Variants in IRAK2 observed in about 807,000 individuals in gnomAD.
IRAK2 encodes interleukin 1 receptor associated kinase 2, also known as interleukin-1 receptor-associated kinase-like 2.
A neutral mutation model predicts 72.0 loss-of-function variants in IRAK2; 57 were observed. That is an observed-to-expected ratio of 0.79 (90% CI 0.64 to 0.99). The LOEUF is 0.99. IRAK2 is among the 50% of genes least tolerant of loss of function. The pLI is 0.00. For missense variants in IRAK2, 790 were observed against 794.4 expected (o/e 0.99, Z 0.07); for synonymous variants, 293 against 312.7 (o/e 0.94, Z 0.67).
chr3:10,173,049 T>C (rs1399585599), intron 1 of IRAK2, among the ~76,000 whole-genome samples: 1 of 152,036 alleles, frequency 6.6e-6, no homozygotes, highest in Non-Finnish European at 1.5e-5. Context: ...TTATATCATG[T>C]TTATTGTGTG....
intron 2 of IRAK2, among the ~76,000 whole-genome samples, chr3:10,184,466 C>T (rs55770280): frequency 6.6e-6 from 1 of 152,130 alleles, no homozygotes; most frequent in Non-Finnish European, 1.5e-5. Context: ...TAGGGCAAAT[C>T]TGGTATGTGT....
intron 3 of IRAK2, among the ~76,000 whole-genome samples, chr3:10,201,502 T>G (rs942444911): frequency 6.6e-6 from 1 of 152,238 alleles, no homozygotes; most frequent in Non-Finnish European, 1.5e-5. Flanking sequence ...GCAGCTTGCT[T>G]AAGGTCACAC....
chr3:10,199,359 A>G (rs1011968457), intron 2 of IRAK2, among the ~76,000 whole-genome samples: 1 of 152,106 alleles, frequency 6.6e-6, no homozygotes. Flanking sequence ...TTGGCATGTG[A>G]TCTTAGCAAG....
chr3:10,232,059 G>A (rs1697870295), intron 10 of IRAK2, among the ~76,000 whole-genome samples: 1 of 152,138 alleles, frequency 6.6e-6, no homozygotes, highest in Non-Finnish European at 1.5e-5. Context: ...CCCAGGAGGC[G>A]GAGCTTGCAG....
At chr3:10,185,383 C>T (rs977491359) in intron 2 of IRAK2, among the ~76,000 whole-genome samples, 1 of 150,140 alleles carries the variant, frequency 6.7e-6, no homozygotes, top group South Asian at 2.1e-4. Flanking sequence ...CATGGAGAAA[C>T]CCTGTCTCTA....
At chr3:10,226,908 T>G (rs1697786991) in intron 10 of IRAK2, among the ~76,000 whole-genome samples, 1 of 140,498 alleles carries the variant, frequency 7.1e-6, no homozygotes, top group Non-Finnish European at 1.5e-5. Context: ...ATTATGCCAC[T>G]GCACTCCAGC....
At chr3:10,171,006 G>A (rs966240896) in intron 1 of IRAK2, among the ~76,000 whole-genome samples, 1 of 152,214 alleles carries the variant, frequency 6.6e-6, no homozygotes, top group Non-Finnish European at 1.5e-5. Flanking sequence ...TAGTGAGAAC[G>A]CTAAAGTGAT....
intron 1 of IRAK2, among the ~76,000 whole-genome samples, chr3:10,167,742 C>T (rs1423324472): frequency 6.6e-6 from 1 of 151,952 alleles, no homozygotes; most frequent in African/African-American, 2.4e-5. Flanking sequence ...GGATAATGTT[C>T]CATGGTATGG....
intron 2 of IRAK2, among the ~76,000 whole-genome samples, chr3:10,182,525 C>T (rs981542765): frequency 1.8e-4 from 27 of 152,166 alleles, no homozygotes; most frequent in African/African-American, 5.1e-4. Flanking sequence ...ACGTGATCCG[C>T]CCGCCTCGGC....
chr3:10,202,399 G>A (rs955375680), intron 3 of IRAK2, among the ~76,000 whole-genome samples: 4 of 152,156 alleles, frequency 2.6e-5, no homozygotes, highest in Non-Finnish European at 4.4e-5. Context: ...TGAGGCGGGT[G>A]GATCACGAGG....
At chr3:10,222,582 C>A in intron 8 of IRAK2, 54 bp from the exon 9 acceptor site, 1 of 1,488,772 alleles carries the variant, frequency 6.7e-7, no homozygotes, top group Non-Finnish European at 9.3e-7. Context: ...TCCATGGCAA[C>A]TTGTTGTTAT....
intron 2 of IRAK2, among the ~76,000 whole-genome samples, chr3:10,193,138 A>T (rs763808193): frequency 6.6e-6 from 1 of 152,184 alleles, no homozygotes; most frequent in African/African-American, 2.4e-5. Flanking sequence ...GAGCACAGGC[A>T]TTCCGAAAAC....
At chr3:10,203,111 C>G (rs1470758582) in intron 3 of IRAK2, among the ~76,000 whole-genome samples, 1 of 152,148 alleles carries the variant, frequency 6.6e-6, no homozygotes, top group Non-Finnish European at 1.5e-5. Flanking sequence ...ATCCTGCTGC[C>G]TCAGCCTCCT....
At chr3:10,170,574 C>T (rs3844280) in intron 1 of IRAK2, among the ~76,000 whole-genome samples, 28,056 of 152,128 alleles carry the variant, frequency 0.18, 3,022 homozygotes, top group African/African-American at 0.27. Context: ...GATGTCCCCT[C>T]GTTCCTGAAT....
chr3:10,235,423 G>A (rs149841408), intron 11 of IRAK2, among the ~76,000 whole-genome samples: 34 of 152,036 alleles, frequency 2.2e-4, no homozygotes, highest in African/African-American at 8.0e-4. Flanking sequence ...TCAGCCTCCC[G>A]AGTATCTTGA....
rs165501 is a variant in IRAK2 at position 10,167,559 on chromosome 3, T to A, written c.94+2511T>A. ...CCTCCCTAGCAGCTTGGACTACAGG[T>A]GCCTGCCACCATGCCCGGCTAATTT... is the stretch of plus-strand genomic sequence containing the variant. On this transcript the variant is annotated intron_variant, in intron 1 of 12. Transcript: ENST00000256458. 2.6e-5 allele frequency among the ~76,000 whole-genome samples: 4 copies of A among 151,866 alleles called. No individual in the cohort carries two copies. In the East Asian group the frequency reaches 7.8e-4, roughly 30 times the overall value.
At chr3:10,231,498 G>A (rs1157100059) in intron 10 of IRAK2, among the ~76,000 whole-genome samples, 2 of 151,948 alleles carry the variant, frequency 1.3e-5, no homozygotes, top group Admixed American at 6.6e-5. Context: ...TTGCCATGTT[G>A]CCCAGGCTGG....
At chr3:10,202,371 C>T (rs2619510) in intron 3 of IRAK2, among the ~76,000 whole-genome samples, 152,273 of 152,276 alleles carry the variant, frequency 1, 76,135 homozygotes, top group Middle Eastern at 1. Context: ...TGCCTGTAAT[C>T]CTAGCACTTT....
At chr3:10,175,268 A>T (rs1696854971) in intron 1 of IRAK2, among the ~76,000 whole-genome samples, 1 of 152,052 alleles carries the variant, frequency 6.6e-6, no homozygotes, top group African/African-American at 2.4e-5. Flanking sequence ...GGGAGATTAC[A>T]GGCGTGTGTT....
Sources: allele counts gnomAD v4.1 joint callset (sites outside exome capture counted in the v4.1 genomes callset), GRCh38; gene constraint gnomAD v4.1.1; transcripts MANE v1.5; gene names NCBI Gene and HGNC (gene_info 2026-07-23, HGNC 2026-07-21).